The following GRIK4 variants were observed in gnomAD, a reference collection of about 807,000 sequenced individuals.
The protein encoded by GRIK4 is glutamate receptor ionotropic, kainate 4.
Under a neutral mutation model 104.9 loss-of-function variants are expected in GRIK4, and 40 were observed. That is an observed-to-expected ratio of 0.38 (90% CI 0.30 to 0.50). The LOEUF is 0.50. GRIK4 is among the 20% of genes least tolerant of loss of function. The pLI, the probability that GRIK4 is intolerant of heterozygous loss-of-function variation, is 0.93. For synonymous variants in GRIK4, 485 were observed against 524.9 expected (o/e 0.92, Z 1.04); for missense variants, 1,047 against 1,308.1 (o/e 0.80, Z 3.08).
At chr11:120,701,111 A>G (rs1950545301) in intron 3 of GRIK4, among the ~76,000 whole-genome samples, 1 of 152,202 alleles carries the variant, frequency 6.6e-6, no homozygotes, top group Non-Finnish European at 1.5e-5. Flanking sequence ...CAATGACTAA[A>G]TCACCAAACA....
At chr11:120,890,633 TTTCA>T (rs144246475) in intron 11 of GRIK4, among the ~76,000 whole-genome samples, 1,540 of 152,330 alleles carry the variant, frequency 0.01, 24 homozygotes, top group African/African-American at 0.034. Flanking sequence ...TGAGTCTCAC[TTTCA>T]TTCATTCATT....
At chr11:120,791,884 A>C (rs904853323) in intron 3 of GRIK4, among the ~76,000 whole-genome samples, 6 of 152,178 alleles carry the variant, frequency 3.9e-5, no homozygotes, top group Non-Finnish European at 7.3e-5. Flanking sequence ...CCACAAATGC[A>C]CGGGTCAAAG....
In GRIK4 at chr11:120,837,083, C is replaced by T. The variant is rs11218020; in HGVS notation, c.744+239C>T. Among the ~76,000 whole-genome samples, 7,151 of 152,216 alleles carry T rather than the reference C, an allele frequency of 0.047. 553 individuals carry two copies. Among genetic ancestry groups the T allele is most frequent in the African/African-American group, 0.16 (6,625 of 41,492 alleles). On this transcript the variant is annotated intron_variant, in intron 8 of 20. Transcript: ENST00000527524. ...TTCAAATGCCGCTAGCTACATAAAG[C>T]GAATTCTGGGCTGTAGTGTGATGGA...
At chr11:120,767,023 A>G (rs1951852098) in intron 3 of GRIK4, among the ~76,000 whole-genome samples, 1 of 152,096 alleles carries the variant, frequency 6.6e-6, no homozygotes, top group Non-Finnish European at 1.5e-5. Context: ...CAGTTGAAAT[A>G]TCTTTATAAG....
chr11:120,848,551 A>G (rs940067227), intron 8 of GRIK4, among the ~76,000 whole-genome samples: 1 of 152,160 alleles, frequency 6.6e-6, no homozygotes, highest in Non-Finnish European at 1.5e-5. Context: ...CCCAAGCTGC[A>G]TGGGAACTTT....
chr11:120,710,086 C>T (rs7103021), intron 3 of GRIK4, among the ~76,000 whole-genome samples: 37,956 of 151,972 alleles, frequency 0.25, 6,434 homozygotes, highest in African/African-American at 0.48. Context: ...GTAGTCAGCG[C>T]GAGACAAGGC....
intron 3 of GRIK4, among the ~76,000 whole-genome samples, chr11:120,759,365 G>A (rs1951706014): frequency 6.6e-6 from 1 of 152,138 alleles, no homozygotes; most frequent in African/African-American, 2.4e-5. Flanking sequence ...TGTTTGTCCT[G>A]GTGGCTCAGG....
chr11:120,532,156 G>T (rs1947930310), intron 1 of GRIK4, among the ~76,000 whole-genome samples: 1 of 152,146 alleles, frequency 6.6e-6, no homozygotes, highest in Admixed American at 6.5e-5. Context: ...CTGGCACAAG[G>T]GTGATTGCAT....
At chr11:120,708,476 G>A (rs950537693) in intron 3 of GRIK4, among the ~76,000 whole-genome samples, 8 of 152,132 alleles carry the variant, frequency 5.3e-5, no homozygotes, top group African/African-American at 1.7e-4. Flanking sequence ...AGGCAGAGAC[G>A]GGGCTGAGTG....
chr11:120,745,688 C>T lies in GRIK4; in HGVS notation c.83-57005C>T, dbSNP rs530984525. On this transcript the variant is annotated intron_variant, in intron 3 of 20. Coordinates refer to ENST00000527524, the MANE Select transcript of GRIK4 (RefSeq NM_014619.5). ...ATTCAACAACGTTTGTCCTCTAGGT[C>T]GAATGGATTCTCATTATGTCAGACT... 2.4e-4 allele frequency among the ~76,000 whole-genome samples: 37 copies of T among 152,208 alleles called. 2 individuals are homozygous for T. The South Asian group carries it at 7.3e-3, about 30-fold the overall frequency.
chr11:120,832,481 T>C (rs1953455768), intron 7 of GRIK4, among the ~76,000 whole-genome samples: 1 of 152,210 alleles, frequency 6.6e-6, no homozygotes, highest in African/African-American at 2.4e-5. Context: ...GCACAACAGT[T>C]ACACAGCACT....
intron 8 of GRIK4, among the ~76,000 whole-genome samples, chr11:120,854,736 G>A (rs1390429278): frequency 6.6e-6 from 1 of 152,226 alleles, no homozygotes; most frequent in East Asian, 1.9e-4. Flanking sequence ...TCTGCACAGA[G>A]CTCTCCTATG....
At chr11:120,570,628 G>T (rs1948386869) in intron 1 of GRIK4, among the ~76,000 whole-genome samples, 1 of 152,010 alleles carries the variant, frequency 6.6e-6, no homozygotes, top group Non-Finnish European at 1.5e-5. Context: ...CTATTTTTTT[G>T]TTATTACTTG....
chr11:120,532,848 G>A (rs796190443), intron 1 of GRIK4, among the ~76,000 whole-genome samples: 10 of 152,158 alleles, frequency 6.6e-5, no homozygotes, highest in African/African-American at 2.4e-4. Context: ...TCCTTGGAAG[G>A]GAGTGGGAAG....
chr11:120,576,731 A>G (rs1300577624), intron 1 of GRIK4, among the ~76,000 whole-genome samples: 1 of 152,192 alleles, frequency 6.6e-6, no homozygotes, highest in Non-Finnish European at 1.5e-5. Flanking sequence ...CCCAAGAGGT[A>G]ACAAGGCCAC....
chr11:120,619,208 T>C lies in GRIK4; in HGVS notation c.-158-34477T>C, dbSNP rs1265947359. On this transcript the variant is annotated intron_variant, in intron 1 of 20. Transcript: ENST00000527524. ...GGAGATTATTTTGGAGATTTAAGAT[T>C]TAATGACTGCCCTGCTGGGTTTTGT... 2.0e-5 allele frequency among the ~76,000 whole-genome samples: 3 copies of C among 152,214 alleles called. 1 individual carries two copies. The highest frequency in any genetic ancestry group is 4.1e-4 in the South Asian group (2 of 4,826).
chr11:120,623,974 C>G (rs1949222368), intron 1 of GRIK4, among the ~76,000 whole-genome samples: 1 of 148,770 alleles, frequency 6.7e-6, no homozygotes, highest in South Asian at 2.2e-4. Flanking sequence ...CCCCTTCCCT[C>G]TTCCTCCTCC....
intron 8 of GRIK4, among the ~76,000 whole-genome samples, chr11:120,850,845 G>C (rs1347550280): frequency 1.6e-5 from 2 of 127,708 alleles, no homozygotes; most frequent in Non-Finnish European, 3.5e-5. Context: ...TACATTATAA[G>C]TGCTATTGTA....
At chr11:120,900,407 T>G (rs1942699492) in intron 12 of GRIK4, among the ~76,000 whole-genome samples, 1 of 152,192 alleles carries the variant, frequency 6.6e-6, no homozygotes. Context: ...ATGTGATGAC[T>G]GTTTATTGGG....
Sources: allele counts gnomAD v4.1 joint callset (sites outside exome capture counted in the v4.1 genomes callset), GRCh38; gene constraint gnomAD v4.1.1; transcripts MANE v1.5; gene names NCBI Gene and HGNC (gene_info 2026-07-23, HGNC 2026-07-21).